SDK1: variants seen among roughly 807,000 people sequenced by gnomAD.
SDK1 encodes the protein protein sidekick-1.
Under a neutral mutation model 245.5 loss-of-function variants are expected in SDK1, and 157 were observed. The observed-to-expected ratio is 0.64, with a 90% confidence interval of 0.56 to 0.73. The LOEUF is 0.73. SDK1 is among the 30% of genes least tolerant of loss of function. SDK1 has a pLI of 0.00. For synonymous variants in SDK1, 1,647 were observed against 1,278.5 expected (o/e 1.29, Z -6.15); for missense variants, 3,583 against 3,002.3 (o/e 1.19, Z -4.52).
chr7:3,586,337 T>G (rs1780688045), intron 1 of SDK1, among the ~76,000 whole-genome samples: 1 of 151,736 alleles, frequency 6.6e-6, no homozygotes, highest in African/African-American at 2.4e-5. Context: ...GAGGTGACCT[T>G]GAGAATGTGT....
At chr7:3,565,991 A>G (rs1457930673) in intron 1 of SDK1, among the ~76,000 whole-genome samples, 3 of 152,182 alleles carry the variant, frequency 2.0e-5, no homozygotes, top group Non-Finnish European at 4.4e-5. Flanking sequence ...ATAAAAACAT[A>G]AGATACGACT....
intron 1 of SDK1, among the ~76,000 whole-genome samples, chr7:3,479,950 G>C (rs977505387): frequency 4.0e-5 from 6 of 151,716 alleles, no homozygotes; most frequent in Admixed American, 3.9e-4. Context: ...ATGCTTTGAA[G>C]CTATGTTATT....
At chr7:3,832,081 C>G (rs1478808431) in intron 5 of SDK1, among the ~76,000 whole-genome samples, 1 of 152,028 alleles carries the variant, frequency 6.6e-6, no homozygotes, top group Admixed American at 6.6e-5. Context: ...TCATAATAAC[C>G]ACCATTTAAT....
chr7:3,447,873 T>A (rs1312064198), intron 1 of SDK1, among the ~76,000 whole-genome samples: 2 of 151,806 alleles, frequency 1.3e-5, no homozygotes, highest in African/African-American at 4.8e-5. Flanking sequence ...CCTGGCTAAT[T>A]TCGTATTTTT....
At chr7:3,413,817 C>G (rs1779282646) in intron 1 of SDK1, among the ~76,000 whole-genome samples, 1 of 152,136 alleles carries the variant, frequency 6.6e-6, no homozygotes, top group Admixed American at 6.5e-5. Context: ...CAAGATCTGC[C>G]ATCTCTACAA....
chr7:3,487,363 T>C (rs1255894315), intron 1 of SDK1, among the ~76,000 whole-genome samples: 2 of 152,114 alleles, frequency 1.3e-5, no homozygotes, highest in Non-Finnish European at 2.9e-5. Context: ...TTCTAAACCA[T>C]CGTACTTAAC....
intron 28 of SDK1, among the ~76,000 whole-genome samples, chr7:4,139,585 GTGTGTGTATATGTATATA>G (rs1779380075): frequency 4.1e-5 from 2 of 48,336 alleles, no homozygotes; most frequent in Non-Finnish European, 9.3e-5. Context: ...GTGTGTGTAT[GTGTGTGTATATGTATATA>G]TGTGTGTGTA....
At chr7:3,376,188 C>A (rs1177330572) in intron 1 of SDK1, among the ~76,000 whole-genome samples, 1 of 151,960 alleles carries the variant, frequency 6.6e-6, no homozygotes, top group East Asian at 1.9e-4. Context: ...CAGAGTGAGA[C>A]CCTGCCTTGG....
At chr7:3,307,731 A>G (rs1404069203) in intron 1 of SDK1, among the ~76,000 whole-genome samples, 1 of 152,212 alleles carries the variant, frequency 6.6e-6, no homozygotes, top group Admixed American at 6.5e-5. Flanking sequence ...ACATTGGGCT[A>G]AGTATCAGTA....
intron 1 of SDK1, among the ~76,000 whole-genome samples, chr7:3,306,894 A>T (rs1173135843): frequency 6.6e-6 from 1 of 152,172 alleles, no homozygotes; most frequent in Non-Finnish European, 1.5e-5. Context: ...GAATGGACAC[A>T]AAGTGAGGAT....
chr7:3,357,705 C>T (rs1004013678), intron 1 of SDK1, among the ~76,000 whole-genome samples: 1 of 152,054 alleles, frequency 6.6e-6, no homozygotes, highest in African/African-American at 2.4e-5. Flanking sequence ...TGTCTAGGCC[C>T]TCACATCCCT....
intron 32 of SDK1, among the ~76,000 whole-genome samples, chr7:4,173,926 C>T (rs1245374833): frequency 6.6e-6 from 1 of 152,206 alleles, no homozygotes; most frequent in Non-Finnish European, 1.5e-5. Flanking sequence ...TGTCTGTCCC[C>T]AGCCTCCTGC....
rs111814884 is a variant in SDK1, at chr7:3,450,544, A to C, written c.298+148660A>C. Among the ~76,000 whole-genome samples, 37 of 152,308 alleles carry C rather than the reference A, an allele frequency of 2.4e-4. 1 individual carries two copies. The highest frequency in any genetic ancestry group is 7.9e-4 in the African/African-American group (33 of 41,568). On this transcript the variant is annotated intron_variant, in intron 1 of 44. Coordinates refer to ENST00000404826, the MANE Select transcript of SDK1 (RefSeq NM_152744.4). ...GATACGTAGATTTCTAGTTTGGAAC[A>C]AGTAGACTTGCAGGGATTTGGTTTA...
chr7:4,112,785 C>T (rs1040370773), intron 23 of SDK1, among the ~76,000 whole-genome samples: 14 of 151,424 alleles, frequency 9.2e-5, no homozygotes, highest in Non-Finnish European at 1.6e-4. Flanking sequence ...GGCAGAGTCT[C>T]GCTCTGTCAC....
At chr7:3,941,190 C>A (rs1000330672) in intron 5 of SDK1, among the ~76,000 whole-genome samples, 2 of 152,102 alleles carry the variant, frequency 1.3e-5, no homozygotes, top group African/African-American at 4.8e-5. Context: ...CCCTTTGTCC[C>A]CTTCTGTCAT....
intron 1 of SDK1, among the ~76,000 whole-genome samples, chr7:3,339,670 A>C (rs1475246825): frequency 6.6e-6 from 1 of 152,166 alleles, no homozygotes; most frequent in African/African-American, 2.4e-5. Context: ...GTCTCAAAGG[A>C]AAATATTAAA....
chr7:4,136,796 G>A (rs539215954), intron 28 of SDK1, among the ~76,000 whole-genome samples: 4 of 152,344 alleles, frequency 2.6e-5, no homozygotes, highest in South Asian at 2.1e-4. Flanking sequence ...AGCTTATTAC[G>A]AAGGGTGTGC....
chr7:3,903,397 C>G (rs997560176), intron 5 of SDK1, among the ~76,000 whole-genome samples: 3 of 152,076 alleles, frequency 2.0e-5, no homozygotes, highest in Admixed American at 2.0e-4. Flanking sequence ...CCGCCCACCT[C>G]GGCCTCCCAA....
At chr7:3,407,628 T>C (rs971922192) in intron 1 of SDK1, among the ~76,000 whole-genome samples, 2 of 152,228 alleles carry the variant, frequency 1.3e-5, no homozygotes, top group Non-Finnish European at 2.9e-5. Context: ...ACCAGCTTTC[T>C]GCTAGTGACC....
Sources: gnomAD v4.1 joint callset for allele counts (sites outside exome capture counted in the v4.1 genomes callset) on GRCh38, gnomAD v4.1.1 for gene constraint, MANE v1.5 for transcripts, NCBI Gene and HGNC (gene_info 2026-07-23, HGNC 2026-07-21) for gene names.